SKIC3: variants seen among roughly 807,000 people sequenced by gnomAD.
The protein encoded by SKIC3 is superkiller complex protein 3.
the SKIC3 span, chr5:95,512,567 T>C: frequency 9.3e-6 from 15 of 1,614,076 alleles, no homozygotes; most frequent in Non-Finnish European, 1.2e-5. Context: ...CTGTTGCTTT[T>C]ATCTTGCAAT....
chr5:95,541,714 G>A, the SKIC3 span: 157 of 802,832 alleles, frequency 2.0e-4, no homozygotes, highest in East Asian at 2.5e-3. Flanking sequence ...AAAAAGCTTC[G>A]CAATTCCCAG....
At chr5:95,490,792 C>T in the SKIC3 span, 5 of 1,375,354 alleles carry the variant, frequency 3.6e-6, no homozygotes, top group Non-Finnish European at 4.0e-6. Flanking sequence ...GCCACCATGC[C>T]CGGCCTAATG....
the SKIC3 span, among the ~76,000 whole-genome samples, chr5:95,543,810 T>C: frequency 6.6e-6 from 1 of 152,198 alleles, no homozygotes; most frequent in Non-Finnish European, 1.5e-5. Context: ...AGTGCGATTA[T>C]ACCAAATATG....
the SKIC3 span, among the ~76,000 whole-genome samples, chr5:95,501,491 T>A: frequency 2.0e-5 from 3 of 152,126 alleles, no homozygotes; most frequent in Admixed American, 1.3e-4. Flanking sequence ...GGAACTGAAC[T>A]TTTTCATAGA....
the SKIC3 span, among the ~76,000 whole-genome samples, chr5:95,480,517 A>G: frequency 2.0e-5 from 3 of 152,222 alleles, no homozygotes; most frequent in Non-Finnish European, 4.4e-5. Context: ...TATTACCTAC[A>G]TATTCACCAA....
the SKIC3 span, among the ~76,000 whole-genome samples, chr5:95,509,990 T>C: frequency 6.6e-6 from 1 of 152,234 alleles, no homozygotes; most frequent in Non-Finnish European, 1.5e-5. Flanking sequence ...ATGAGATTTA[T>C]AAAGATATTC....
the SKIC3 span, among the ~76,000 whole-genome samples, chr5:95,465,143 T>C: frequency 1.3e-5 from 2 of 152,138 alleles, no homozygotes; most frequent in Non-Finnish European, 2.9e-5. Flanking sequence ...GGCCAGAGGC[T>C]GGTCTCAAAC....
the SKIC3 span, chr5:95,484,862 T>TC: frequency 3.7e-6 from 6 of 1,612,824 alleles, no homozygotes; most frequent in Non-Finnish European, 5.1e-6. Context: ...ACAAAAAATG[T>TC]CAATGTTACT....
At chr5:95,469,630 C>T in the SKIC3 span, 1 of 1,109,070 alleles carries the variant, frequency 9.0e-7, no homozygotes, top group East Asian at 2.5e-5. Flanking sequence ...ACCAGTTCTT[C>T]CAAAGTAGAT....
chr5:95,495,079 T>C, the SKIC3 span: 1 of 1,507,422 alleles, frequency 6.6e-7, no homozygotes. Flanking sequence ...AAGAAAAAAT[T>C]AAGATTGATA....
At chr5:95,502,808 C>T in the SKIC3 span, 2,920 of 1,591,696 alleles carry the variant, frequency 1.8e-3, 49 homozygotes, top group African/African-American at 0.033. Flanking sequence ...GAAGAACTTA[C>T]GCTTTCTCCA....
At chr5:95,484,805 A>T in the SKIC3 span, 1 of 1,614,126 alleles carries the variant, frequency 6.2e-7, no homozygotes, top group South Asian at 1.1e-5. Flanking sequence ...ACCACTTTTC[A>T]AGGGACTGGT....
At chr5:95,469,903 ATG>A in the SKIC3 span, 1 of 1,614,074 alleles carries the variant, frequency 6.2e-7, no homozygotes, top group Non-Finnish European at 8.5e-7. Context: ...ATCATTGGAA[ATG>A]TTAGCCTATA....
chr5:95,529,960 A>C, the SKIC3 span: 1 of 1,102,058 alleles, frequency 9.1e-7, no homozygotes, highest in African/African-American at 1.5e-5. Context: ...AGCAGAGTCC[A>C]AGGTATGCAG....
chr5:95,543,174 T>G, the SKIC3 span: 1 of 1,613,532 alleles, frequency 6.2e-7, no homozygotes, highest in Non-Finnish European at 8.5e-7. Flanking sequence ...AAAAAAAAAT[T>G]TCTACATACC....
chr5:95,479,223 A>T, the SKIC3 span, among the ~76,000 whole-genome samples: 3 of 152,210 alleles, frequency 2.0e-5, no homozygotes, highest in Non-Finnish European at 4.4e-5. Flanking sequence ...GAACAACAAC[A>T]AAAAATACCA....
the SKIC3 span, chr5:95,497,280 AAATTTAGTT>A: frequency 1.2e-6 from 1 of 851,358 alleles, no homozygotes; most frequent in East Asian, 2.7e-5. Context: ...GACTAATGGA[AAATTTAGTT>A]AATAACAGAA....
chr5:95,469,951 A>G, the SKIC3 span: 2 of 1,602,352 alleles, frequency 1.2e-6, no homozygotes, highest in South Asian at 2.2e-5. Flanking sequence ...AAGATTTGGC[A>G]TATTTATTTG....
the SKIC3 span, chr5:95,540,604 AC>A: frequency 6.5e-7 from 1 of 1,527,952 alleles, no homozygotes; most frequent in Non-Finnish European, 9.0e-7. Context: ...AATTAAAATG[AC>A]AATGATCAAT....
Sources: allele counts gnomAD v4.1 joint callset (sites outside exome capture counted in the v4.1 genomes callset), GRCh38; gene constraint gnomAD v4.1.1; transcripts MANE v1.5; gene names NCBI Gene and HGNC (gene_info 2026-07-23, HGNC 2026-07-21).